The following TRIM5 variants were observed in gnomAD, a reference collection of about 807,000 sequenced individuals.
TRIM5 encodes the protein tripartite motif-containing protein 5.
TRIM5 carries 31 observed loss-of-function variants against 35.6 expected under a neutral mutation model. The observed-to-expected ratio is 0.87, with a 90% CI of 0.65 to 1.18. The LOEUF is 1.18. Among genes scored for constraint, TRIM5 ranks in the 50% most tolerant of loss-of-function variants. TRIM5 has a pLI of 0.00. For synonymous variants in TRIM5, 243 were observed against 215.6 expected (o/e 1.13, Z -1.11); for missense variants, 609 against 591.6 (o/e 1.03, Z -0.31).
At chr11:5,680,769 C>T (rs1293715223) in intron 1 of TRIM5, among the ~76,000 whole-genome samples, 1 of 152,186 alleles carries the variant, frequency 6.6e-6, no homozygotes. Context: ...ATGCACTGTA[C>T]GTTTGCAATG....
Position 5,664,685 on chromosome 11 carries a change from G to A in TRIM5, c.*124C>T, listed in dbSNP as rs750858491. 5.3e-5 allele frequency: 78 copies of A among 1,464,042 alleles called. No homozygotes were observed. Among genetic ancestry groups the A allele is most frequent in the Non-Finnish European group, 6.6e-5 (73 of 1,112,910 alleles). 90.7% of individuals were successfully genotyped at this position (1,464,042 alleles called of 1,614,324 possible). A position where few individuals can be genotyped will look rare whatever the true frequency, so the allele number is the denominator to read the frequency against. Reference sequence around the variant, plus strand: ...TACATTTTACTGATGAGTGAAGGACGTTCAAATAGAAAGAAGGGAGACAGC... The same window carrying A: ...TACATTTTACTGATGAGTGAAGGACATTCAAATAGAAAGAAGGGAGACAGC... On this transcript the variant is annotated 3_prime_UTR_variant, in exon 8 of 8. Coordinates refer to ENST00000380034, the MANE Select transcript of TRIM5 (RefSeq NM_033034.3).
At chr11:5,615,284 T>C in the TRIM5 span, among the ~76,000 whole-genome samples, 1 of 152,208 alleles carries the variant, frequency 6.6e-6, no homozygotes, top group Admixed American at 6.5e-5. Context: ...ATCATGTTAG[T>C]TGATATTATT....
the TRIM5 span, among the ~76,000 whole-genome samples, chr11:5,600,479 G>C: frequency 6.6e-6 from 1 of 152,088 alleles, no homozygotes; most frequent in Admixed American, 6.6e-5. Context: ...ACCTGTTTTC[G>C]GCTCGCTAGA....
At chr11:5,637,549 G>A in the TRIM5 span, among the ~76,000 whole-genome samples, 3 of 152,218 alleles carry the variant, frequency 2.0e-5, no homozygotes, top group African/African-American at 7.2e-5. Flanking sequence ...AGCTAAATGA[G>A]GGAAAGAAGA....
At chr11:5,658,353 C>T (rs1289337989), downstream of TRIM5, among the ~76,000 whole-genome samples, 1 of 152,208 alleles carries the variant, frequency 6.6e-6, no homozygotes, top group Non-Finnish European at 1.5e-5. Context: ...CTTCTGGCCT[C>T]TTCATCCACC....
chr11:5,609,181 A>G, the TRIM5 span, among the ~76,000 whole-genome samples: 1 of 152,084 alleles, frequency 6.6e-6, no homozygotes, highest in Non-Finnish European at 1.5e-5. Flanking sequence ...TGACATGTCA[A>G]GCTGCTTGCA....
At chr11:5,634,467 A>AAT in the TRIM5 span, among the ~76,000 whole-genome samples, 33,942 of 145,950 alleles carry the variant, frequency 0.23, 4,903 homozygotes, top group Non-Finnish European at 0.33. Context: ...AGATAATACA[A>AAT]ATATATATAT....
chr11:5,640,918 C>T, the TRIM5 span, among the ~76,000 whole-genome samples: 1 of 124,848 alleles, frequency 8.0e-6, no homozygotes, highest in South Asian at 2.9e-4. Context: ...TTAAGATTAT[C>T]TAATTTGTTG....
At chr11:5,628,716 A>G in the TRIM5 span, among the ~76,000 whole-genome samples, 1 of 152,292 alleles carries the variant, frequency 6.6e-6, no homozygotes, top group African/African-American at 2.4e-5. Context: ...GTTGTAACCA[A>G]TTATCACAAA....
At chr11:5,680,727 A>G (rs931176117) in intron 1 of TRIM5, among the ~76,000 whole-genome samples, 1 of 152,226 alleles carries the variant, frequency 6.6e-6, no homozygotes, top group Non-Finnish European at 1.5e-5. Flanking sequence ...ACCTGCTCTG[A>G]CTACCTTATG....
At chr11:5,657,871 C>G in the TRIM5 span, among the ~76,000 whole-genome samples, 8 of 150,886 alleles carry the variant, frequency 5.3e-5, no homozygotes, top group African/African-American at 2.0e-4. Context: ...GAGCCTCGGC[C>G]TCCCAAAGTG....
chr11:5,594,400 C>T, the TRIM5 span, among the ~76,000 whole-genome samples: 18 of 152,110 alleles, frequency 1.2e-4, no homozygotes, highest in African/African-American at 2.7e-4. Flanking sequence ...CTCAACCTTC[C>T]GGGCTCAAGT....
the TRIM5 span, chr11:5,605,059 T>G: frequency 6.0e-6 from 3 of 498,272 alleles, no homozygotes; most frequent in South Asian, 2.1e-5. Context: ...GATGCAGAGG[T>G]GAGGGAGGCT....
Position 5,665,024 on chromosome 11 carries a change from CAGA to C in TRIM5, c.1264_1266del (p.Ser422del), listed in dbSNP as rs1851017365. 6.2e-7 allele frequency: 1 copy of C among 1,614,110 alleles called. No homozygotes were observed. The highest frequency in any genetic ancestry group is 1.1e-5 in the South Asian group (1 of 91,080). On this transcript the variant is annotated inframe_deletion, in exon 8 of 8. Coordinates refer to ENST00000380034, the MANE Select transcript of TRIM5 (RefSeq NM_033034.3). ...ACAGAGAGGGGCACAATGAAAGGAA[CAGA>C]AGGAGTATGGAAGGAACTATCCTGG...
At chr11:5,642,433 A>T in the TRIM5 span, 3 of 1,613,436 alleles carry the variant, frequency 1.9e-6, no homozygotes, top group Admixed American at 5.0e-5. Context: ...TGAAAAAGCC[A>T]AAAATGGTTT....
the TRIM5 span, among the ~76,000 whole-genome samples, chr11:5,603,020 C>T: frequency 1.3e-5 from 2 of 152,148 alleles, no homozygotes; most frequent in South Asian, 2.1e-4. Context: ...TCCAGGGCCT[C>T]AGTTTGTCTC....
chr11:5,604,749 T>C, the TRIM5 span: 1 of 1,053,760 alleles, frequency 9.5e-7, no homozygotes, highest in Non-Finnish European at 1.3e-6. Flanking sequence ...AGAGCTTCCC[T>C]TTGCCTGGTC....
chr11:5,634,526 C>T, the TRIM5 span: 2,046 of 653,140 alleles, frequency 3.1e-3, 54 homozygotes, highest in African/African-American at 0.043. Flanking sequence ...CACACACACA[C>T]ACACATATAT....
At chr11:5,680,531 CTTT>C (rs1590279279) in intron 1 of TRIM5, among the ~76,000 whole-genome samples, 1 of 152,256 alleles carries the variant, frequency 6.6e-6, no homozygotes, top group East Asian at 1.9e-4. Flanking sequence ...CTACCAAGAT[CTTT>C]GTGTGACCCA....
Sources: allele counts gnomAD v4.1 joint callset (sites outside exome capture counted in the v4.1 genomes callset), GRCh38; gene constraint gnomAD v4.1.1; transcripts MANE v1.5; gene names NCBI Gene and HGNC (gene_info 2026-07-23, HGNC 2026-07-21).